Variants in CTNNA3 observed in about 807,000 individuals in gnomAD.
CTNNA3 encodes the protein catenin alpha-3.
Under a neutral mutation model 95.7 loss-of-function variants are expected in CTNNA3, and 76 were observed. That is an observed-to-expected ratio of 0.79 (90% confidence interval 0.66 to 0.96). CTNNA3 has a LOEUF of 0.96. CTNNA3 is among the 40% of genes least tolerant of loss of function. The pLI, the probability that CTNNA3 is intolerant of heterozygous loss-of-function variation, is 0.00. For synonymous variants in CTNNA3, 431 were observed against 374.4 expected (o/e 1.15, Z -1.74); for missense variants, 1,191 against 1,089.8 (o/e 1.09, Z -1.31).
intron 12 of CTNNA3, among the ~76,000 whole-genome samples, chr10:66,346,864 A>C (rs2092525694): frequency 6.6e-6 from 1 of 152,010 alleles, no homozygotes; most frequent in African/African-American, 2.4e-5. Flanking sequence ...TTGGGCATCT[A>C]GACTTGAGTG....
chr10:67,435,970 C>A (rs564309206), intron 5 of CTNNA3, among the ~76,000 whole-genome samples: 1 of 152,102 alleles, frequency 6.6e-6, no homozygotes, highest in African/African-American at 2.4e-5. Context: ...TTAGAAAAAA[C>A]AATTCTAAAA....
At chr10:66,022,759 T>A (rs2079247463) in intron 15 of CTNNA3, among the ~76,000 whole-genome samples, 1 of 152,212 alleles carries the variant, frequency 6.6e-6, no homozygotes, top group African/African-American at 2.4e-5. Flanking sequence ...AAACCTTTGA[T>A]GCTACTATTT....
chr10:66,409,077 C>T (rs1376350977), intron 11 of CTNNA3, among the ~76,000 whole-genome samples: 1 of 152,180 alleles, frequency 6.6e-6, no homozygotes, highest in East Asian at 1.9e-4. Flanking sequence ...AAGTCCACTT[C>T]TATTGACATT....
rs182365785 is a variant in CTNNA3, at chr10:66,627,574, T to G, written c.1282-5790A>C. Among the ~76,000 whole-genome samples, 8 of 152,282 alleles carry G rather than the reference T, an allele frequency of 5.3e-5. No homozygotes were observed. The East Asian group carries it at 1.5e-3, about 29-fold the overall frequency. On this transcript the variant is annotated intron_variant, in intron 9 of 17. Transcript: ENST00000433211. ...GAGCCAGAAACTTATACCCTAAGAA[T>G]GTACTAATCTCAGATGGATACTTTC...
intron 7 of CTNNA3, chr10:66,928,163 C>T: frequency 1.2e-6 from 2 of 1,614,122 alleles, no homozygotes; most frequent in Non-Finnish European, 1.7e-6. Flanking sequence ...GAGCACATCT[C>T]TTTCCATAAA....
At chr10:66,331,081 A>T (rs1240875263) in intron 12 of CTNNA3, among the ~76,000 whole-genome samples, 1 of 151,880 alleles carries the variant, frequency 6.6e-6, no homozygotes, top group East Asian at 1.9e-4. Flanking sequence ...ATTAGATCCC[A>T]TTTGTCAATT....
At chr10:66,144,490 TTTA>T (rs1337555390) in intron 13 of CTNNA3, among the ~76,000 whole-genome samples, 2 of 151,456 alleles carry the variant, frequency 1.3e-5, no homozygotes, top group African/African-American at 4.9e-5. Flanking sequence ...TATTTATTTA[TTTA>T]TTTTTTTTTT....
chr10:67,016,883 T>C (rs1852692320), intron 7 of CTNNA3, among the ~76,000 whole-genome samples: 1 of 152,212 alleles, frequency 6.6e-6, no homozygotes, highest in African/African-American at 2.4e-5. Flanking sequence ...AAAACTGGAA[T>C]GATACGAATA....
intron 10 of CTNNA3, among the ~76,000 whole-genome samples, chr10:66,556,047 C>A (rs1341519723): frequency 6.6e-6 from 1 of 151,904 alleles, no homozygotes; most frequent in African/African-American, 2.4e-5. Flanking sequence ...AAAGCAAAAG[C>A]ATAAGCAACC....
intron 5 of CTNNA3, among the ~76,000 whole-genome samples, chr10:67,223,706 A>C (rs1414942822): frequency 6.6e-6 from 1 of 152,206 alleles, no homozygotes; most frequent in Non-Finnish European, 1.5e-5. Flanking sequence ...GCTATCAGTT[A>C]ATTAATTCAA....
At chr10:66,696,150 C>T (rs1847754908) in intron 9 of CTNNA3, among the ~76,000 whole-genome samples, 2 of 152,226 alleles carry the variant, frequency 1.3e-5, no homozygotes, top group South Asian at 2.1e-4. Flanking sequence ...ATAAATCACA[C>T]TTTTAGCAGA....
At chr10:67,355,739 AAGCTATCAT>A (rs1842786333) in intron 5 of CTNNA3, among the ~76,000 whole-genome samples, 1 of 152,062 alleles carries the variant, frequency 6.6e-6, no homozygotes, top group African/African-American at 2.4e-5. Flanking sequence ...TGATAATACA[AAGCTATCAT>A]CGTTTTCAAA....
At chr10:66,022,598 G>GAC (rs34537265) in intron 15 of CTNNA3, among the ~76,000 whole-genome samples, 62 of 149,484 alleles carry the variant, frequency 4.1e-4, no homozygotes, top group Middle Eastern at 3.4e-3. Flanking sequence ...ATATGCACAT[G>GAC]ACACACACAC....
chr10:67,354,050 A>G (rs574733472), intron 5 of CTNNA3, among the ~76,000 whole-genome samples: 1 of 152,152 alleles, frequency 6.6e-6, no homozygotes, highest in South Asian at 2.1e-4. Flanking sequence ...AACTTCTAAC[A>G]TTAACAATTG....
At chr10:66,592,799 T>A (rs1843596242) in intron 10 of CTNNA3, among the ~76,000 whole-genome samples, 2 of 152,040 alleles carry the variant, frequency 1.3e-5, no homozygotes, top group South Asian at 4.1e-4. Context: ...CAGAAAGAGG[T>A]GGGAGACACC....
chr10:66,791,785 G>A (rs1245289150), intron 7 of CTNNA3, among the ~76,000 whole-genome samples: 1 of 151,668 alleles, frequency 6.6e-6, no homozygotes, highest in African/African-American at 2.4e-5. Flanking sequence ...TTTTTAGATA[G>A]GCCTCCTTAC....
chr10:67,194,639 T>C (rs1302365044), intron 6 of CTNNA3, among the ~76,000 whole-genome samples: 1 of 151,836 alleles, frequency 6.6e-6, no homozygotes, highest in East Asian at 1.9e-4. Flanking sequence ...TAATGGTGGA[T>C]GAATTTTATT....
chr10:67,508,333 A>C (rs1246173599), intron 5 of CTNNA3, among the ~76,000 whole-genome samples: 1 of 152,152 alleles, frequency 6.6e-6, no homozygotes, highest in Non-Finnish European at 1.5e-5. Context: ...TTTCAACACA[A>C]TAAAGGCCGT....
chr10:66,889,445 T>C (rs1845173793), intron 7 of CTNNA3, among the ~76,000 whole-genome samples: 2 of 152,102 alleles, frequency 1.3e-5, no homozygotes, highest in Admixed American at 1.3e-4. Flanking sequence ...ATGTTGGCAA[T>C]GGGGGAGGCT....
Sources: gnomAD v4.1 joint callset for allele counts (sites outside exome capture counted in the v4.1 genomes callset) on GRCh38, gnomAD v4.1.1 for gene constraint, MANE v1.5 for transcripts, NCBI Gene and HGNC (gene_info 2026-07-23, HGNC 2026-07-21) for gene names.